Variants in MAT1A observed in about 807,000 individuals in gnomAD.
MAT1A encodes S-adenosylmethionine synthase isoform type-1.
Under a neutral mutation model 44.0 loss-of-function variants are expected in MAT1A, and 19 were observed. The observed-to-expected ratio is 0.43, with a 90% confidence interval of 0.30 to 0.63. MAT1A has a LOEUF of 0.63. MAT1A is among the 30% of genes least tolerant of loss of function. MAT1A has a pLI of 0.12. For synonymous variants in MAT1A, 205 were observed against 205.6 expected (o/e 1.00, Z 0.03); for missense variants, 397 against 531.0 (o/e 0.75, Z 2.48).
At chr10:80,273,973 CT>C in intron 8 of MAT1A, 90 bp from the exon 9 acceptor site, 1 of 916,702 alleles carries the variant, frequency 1.1e-6, no homozygotes, top group Non-Finnish European at 1.8e-6. Flanking sequence ...GAGCAACGAA[CT>C]GTAACACAGC....
chr10:80,276,575 T>C lies in MAT1A; in HGVS notation c.569A>G (p.Gln190Arg). 6.2e-7 allele frequency: 1 copy of C among 1,612,416 alleles called. No individual in the cohort carries two copies. The highest frequency in any genetic ancestry group is 8.5e-7 in the Non-Finnish European group (1 of 1,180,020). Residue 190 changes from glutamine (Q) to arginine (R), a missense_variant, in exon 6 of 9, where the codon CAG (glutamine) becomes CGG (arginine). Coordinates refer to ENST00000372213, the MANE Select transcript of MAT1A (RefSeq NM_000429.3). ...SKTQVTVQYM[Q>R]DNGAVIPVRI... ...CACAGGGATGACTGCGCCATTGTCC[T>C]GCATGTACTGAACTGTCACCTGTCC...
Position 80,289,350 on chromosome 10 carries a change from AC to A in MAT1A, c.73del (p.Val25TrpfsTer59). The A allele has an allele frequency of 6.2e-7, 1 of 1,614,132 alleles. No homozygotes were observed. The highest frequency in any genetic ancestry group is 8.5e-7 in the Non-Finnish European group (1 of 1,179,996). ...CTACTTACCCGGGTGTCCCTCTCCCACAGACTCCGATGTGAACATGAAGACT... is the reference window on the plus strand; with the variant it reads ...CTACTTACCCGGGTGTCCCTCTCCCAAGACTCCGATGTGAACATGAAGACT... ...EGVFMFTSES[V>X]GEGHPDKICD... is the part of the protein sequence containing the mutation. On this transcript the variant is annotated frameshift_variant, in exon 1 of 9. Coordinates refer to ENST00000372213, the MANE Select transcript of MAT1A (RefSeq NM_000429.3). LOFTEE classifies it high-confidence loss of function.
At chr10:80,289,018 C>T (rs1300071456) in intron 1 of MAT1A, among the ~76,000 whole-genome samples, 1 of 152,144 alleles carries the variant, frequency 6.6e-6, no homozygotes, top group Non-Finnish European at 1.5e-5. Context: ...GTAAAAGTGA[C>T]TCCTACAGGT....
intron 5 of MAT1A, 37 bp downstream of exon 5, chr10:80,280,134 TTC>T: frequency 6.2e-7 from 1 of 1,611,468 alleles, no homozygotes; most frequent in Non-Finnish European, 8.5e-7. Flanking sequence ...GTATTAAAGC[TTC>T]TGTCTAGGGC....
intron 1 of MAT1A, among the ~76,000 whole-genome samples, chr10:80,288,519 C>G (rs1480706627): frequency 6.6e-6 from 1 of 152,218 alleles, no homozygotes; most frequent in Non-Finnish European, 1.5e-5. Flanking sequence ...TCTCTCACTT[C>G]CGCACATCAC....
rs1012286392 is a variant in MAT1A at position 80,273,600 on chromosome 10, C to T, written c.*181G>A. The T allele has an allele frequency of 7.8e-6, 5 of 642,908 alleles. No homozygotes were observed. The highest frequency in any genetic ancestry group is 1.8e-5 in the South Asian group (1 of 56,834). The allele number at this position is 642,908 out of a possible 1,614,324, so 39.8% of individuals were successfully genotyped here. On this transcript the variant is annotated 3_prime_UTR_variant, in exon 9 of 9. Coordinates refer to ENST00000372213, the MANE Select transcript of MAT1A (RefSeq NM_000429.3). Reference sequence around the variant, plus strand: ...CCTTACATCAAGATCCAACCTCCAGCACCAGGAAGCCCCTGCCTCCAGCTG... The same window carrying T: ...CCTTACATCAAGATCCAACCTCCAGTACCAGGAAGCCCCTGCCTCCAGCTG...
chr10:80,276,027 C>T (rs1054688090), intron 6 of MAT1A, among the ~76,000 whole-genome samples: 2 of 152,314 alleles, frequency 1.3e-5, no homozygotes, highest in African/African-American at 4.8e-5. Context: ...CAGCTGTCCA[C>T]GTGCAAATGC....
intron 8 of MAT1A, 86 bp from the exon 9 acceptor site, chr10:80,273,969 C>T (rs1217790168): frequency 3.2e-6 from 3 of 942,934 alleles, no homozygotes; most frequent in Admixed American, 1.7e-5. Context: ...GAGGGAGCAA[C>T]GAACTGTAAC....
chr10:80,287,592 C>T (rs754290917), intron 1 of MAT1A, among the ~76,000 whole-genome samples: 10 of 152,182 alleles, frequency 6.6e-5, no homozygotes, highest in Admixed American at 2.0e-4. Flanking sequence ...ATTGCTGCTG[C>T]GCACAATGGA....
chr10:80,286,282 C>T (rs1841649521), intron 1 of MAT1A, among the ~76,000 whole-genome samples: 1 of 152,104 alleles, frequency 6.6e-6, no homozygotes, highest in Non-Finnish European at 1.5e-5. Context: ...GTTAAGAAGT[C>T]AATTTTACCT....
chr10:80,275,033 C>T lies in MAT1A; in HGVS notation c.935G>A (p.Arg312Gln), dbSNP rs1014911761. 1.2e-5 allele frequency: 18 copies of T among 1,554,774 alleles called. No individual in the cohort carries two copies. The highest frequency in any genetic ancestry group is 1.9e-5 in the Admixed American group (1 of 51,492). The change falls in exon 7 of 9, where the codon CGG becomes CAG. Residue 312 changes from arginine to glutamine, a missense_variant. Physicochemically the swap from Arg to Gln is conservative, Grantham distance 43 (BLOSUM62 1). Transcript: ENST00000372213. ...AKSLVKAGLC[R>Q]RVLVQVSYAI... Reference sequence around the variant, plus strand: ...GGGGCTTACCTGGACAAGCACTCTCCGGCAGAGCCCTGCTTTCACCAGAGA... The same window carrying T: ...GGGGCTTACCTGGACAAGCACTCTCTGGCAGAGCCCTGCTTTCACCAGAGA...
rs1475679284 is a variant in MAT1A, at chr10:80,274,626, G to C, written c.979C>G (p.Pro327Ala). 6.2e-7 allele frequency: 1 copy of C among 1,614,198 alleles called. No individual in the cohort carries two copies. Among genetic ancestry groups the C allele is most frequent in the South Asian group, 1.1e-5 (1 of 91,082 alleles). ...QVSYAIGVAE[P>A]LSISIFTYGT... ...TAGGTGAAGATGGAAATGGACAGCG[G>C]CTCGGCCACACCAATGGCATAGGAA... Residue 327 changes from proline (P) to alanine (A), a missense_variant, in exon 8 of 9, where the codon CCG becomes GCG. Pro to Ala is a conservative substitution (Grantham distance 27). Coordinates refer to ENST00000372213, the MANE Select transcript of MAT1A (RefSeq NM_000429.3).
intron 2 of MAT1A, 100 bp from the exon 3 acceptor site, chr10:80,284,138 G>C: frequency 6.7e-7 from 1 of 1,483,660 alleles, no homozygotes; most frequent in Non-Finnish European, 9.2e-7. Context: ...AAAGACACAG[G>C]AGGGGCCTTA....
At chr10:80,275,343 C>A (rs1313649829) in intron 6 of MAT1A, 144 bp from the exon 7 acceptor site, 5 of 749,090 alleles carry the variant, frequency 6.7e-6, no homozygotes, top group Non-Finnish European at 1.1e-5. Context: ...GACCCCTTAG[C>A]CCAGAACTCT....
rs1413537736 is a variant in MAT1A, at chr10:80,273,775, C to T, written c.*6G>A. ...AGGGTGAGACCAGGCCCAGCTCCCC[C>T]TGGCTCTAAAATACAAGCTTCCTGG... On this transcript the variant is annotated 3_prime_UTR_variant, in exon 9 of 9. Transcript: ENST00000372213. 8 of 1,605,106 alleles carry T rather than the reference C, an allele frequency of 5.0e-6. No homozygotes were observed. In the African/African-American group the frequency reaches 9.4e-5, roughly 19 times the overall value.
At chr10:80,274,797 C>T (rs1841460321) in intron 7 of MAT1A, 144 bp from the exon 8 acceptor site, 1 of 1,286,524 alleles carries the variant, frequency 7.8e-7, no homozygotes, top group Non-Finnish European at 1.1e-6. Flanking sequence ...CTGCTATCTT[C>T]ACCGAGGGCA....
chr10:80,276,469 T>A lies in MAT1A; in HGVS notation c.675A>T (p.Gln225His). 1.9e-6 allele frequency: 3 copies of A among 1,614,158 alleles called. No individual in the cohort carries two copies. The highest frequency in any genetic ancestry group is 2.5e-6 in the Non-Finnish European group (3 of 1,180,030). ...LEEMRRALKE[Q>H]VIRAVVPAKY... is the part of the protein sequence containing the mutation. Reference sequence around the variant, plus strand: ...TGGCCGGCACCACGGCCCTGATGACTTGCTCCTTCAGGGCCCTGCGCATCT... The same window carrying A: ...TGGCCGGCACCACGGCCCTGATGACATGCTCCTTCAGGGCCCTGCGCATCT... The change falls in exon 6 of 9, where the codon CAA (glutamine) becomes CAT (histidine). Residue 225 changes from glutamine to histidine, a missense_variant. Physicochemically the swap from Gln to His is conservative, Grantham distance 24. Transcript: ENST00000372213.
chr10:80,280,598 A>T, intron 4 of MAT1A, 82 bp downstream of exon 4: 1 of 1,239,702 alleles, frequency 8.1e-7, no homozygotes, highest in Non-Finnish European at 1.2e-6. Context: ...ACAAGAATCC[A>T]CCCCTCAGTG....
intron 6 of MAT1A, among the ~76,000 whole-genome samples, chr10:80,276,096 T>C (rs901960858): frequency 1.4e-4 from 22 of 152,120 alleles, no homozygotes; most frequent in Admixed American, 8.5e-4. Flanking sequence ...GTAAGGTCGA[T>C]GGTCACTTGA....
Sources: gnomAD v4.1 joint callset for allele counts (sites outside exome capture counted in the v4.1 genomes callset) on GRCh38, gnomAD v4.1.1 for gene constraint, MANE v1.5 for transcripts, NCBI Gene and HGNC (gene_info 2026-07-23, HGNC 2026-07-21) for gene names.